DCDC1: variants seen among roughly 807,000 people sequenced by gnomAD.
The protein encoded by DCDC1 is doublecortin domain-containing protein 1.
DCDC1 carries 200 observed loss-of-function variants against 178.3 expected under a neutral mutation model. The ratio of observed to expected loss-of-function variants is 1.12; its 90% CI spans 1.00 to 1.26. The LOEUF is 1.26. Among genes scored for constraint, DCDC1 ranks in the 50% most tolerant of loss-of-function variants. The pLI, the probability that DCDC1 is intolerant of heterozygous loss-of-function variation, is 0.00. For missense variants in DCDC1, 1,983 were observed against 1,749.2 expected (o/e 1.13, Z -2.38); for synonymous variants, 690 against 604.8 (o/e 1.14, Z -2.07).
chr11:31,325,434 A>G (rs1949594299), intron 3 of DCDC1, among the ~76,000 whole-genome samples: 1 of 152,156 alleles, frequency 6.6e-6, no homozygotes, highest in Non-Finnish European at 1.5e-5. Context: ...GAGTCATAAA[A>G]TAAGAGGATG....
chr11:30,883,394 C>G, intron 36 of DCDC1: 1 of 382,594 alleles, frequency 2.6e-6, no homozygotes, highest in South Asian at 2.1e-5. Flanking sequence ...GATATTAAAC[C>G]TATACATTAT....
chr11:31,165,529 T>C (rs1365745108), intron 9 of DCDC1, among the ~76,000 whole-genome samples: 2 of 152,206 alleles, frequency 1.3e-5, no homozygotes, highest in African/African-American at 2.4e-5. Flanking sequence ...CAGGCTGATC[T>C]TGAACTCCTA....
chr11:30,888,126 GA>G (rs1565030150), intron 36 of DCDC1, among the ~76,000 whole-genome samples: 12 of 127,940 alleles, frequency 9.4e-5, no homozygotes, highest in Non-Finnish European at 1.9e-4. Context: ...AAGAAAGAAA[GA>G]AAGAAAGAAA....
In DCDC1 at chr11:30,881,049, G is replaced by T. The variant is rs934418790; in HGVS notation, c.5233+109C>A. The T allele has an allele frequency of 5.6e-6, 7 of 1,246,800 alleles. No homozygotes were observed. In the South Asian group the frequency reaches 7.8e-5, roughly 14 times the overall value. The allele number at this position is 1,246,800 out of a possible 1,614,324, so 77.2% of individuals were successfully genotyped here. A position where few individuals can be genotyped will look rare whatever the true frequency, so the allele number is the denominator to read the frequency against. ...CATAACATGGAGTAGAAATGCTTGG[G>T]AGGGGATAATTATTAAAAATCATTG... On this transcript the variant is annotated intron_variant, in intron 37 of 38. Transcript: ENST00000684477.
intron 25 of DCDC1, among the ~76,000 whole-genome samples, chr11:30,917,610 G>T (rs1329152165): frequency 2.0e-5 from 3 of 152,126 alleles, no homozygotes; most frequent in Admixed American, 2.0e-4. Context: ...CAGCCTTCTG[G>T]CTTCTTACTA....
In DCDC1 at chr11:31,231,684, A is replaced by G. The variant is rs1240885744; in HGVS notation, c.1221+9766T>C. Among the ~76,000 whole-genome samples, 3 of 149,946 alleles carry G rather than the reference A, an allele frequency of 2.0e-5. No homozygotes were observed. The Admixed American group carries it at 2.0e-4, about 10-fold the overall frequency. On this transcript the variant is annotated intron_variant, in intron 9 of 38. Coordinates refer to ENST00000684477, the MANE Select transcript of DCDC1 (RefSeq NM_001387274.1). Reference sequence around the variant, plus strand: ...ATAAGCCCTTCTCCTCCATAAACACAGATGACTTCTTGGAGGGAACACAAA... The same window carrying G: ...ATAAGCCCTTCTCCTCCATAAACACGGATGACTTCTTGGAGGGAACACAAA...
At chr11:31,217,222 G>A (rs1973698843) in intron 9 of DCDC1, among the ~76,000 whole-genome samples, 1 of 152,134 alleles carries the variant, frequency 6.6e-6, no homozygotes, top group Admixed American at 6.5e-5. Flanking sequence ...GAAGAAGCAG[G>A]TGCAATGTCT....
chr11:31,288,466 A>G (rs1199483801), intron 7 of DCDC1, among the ~76,000 whole-genome samples: 1 of 151,890 alleles, frequency 6.6e-6, no homozygotes, highest in Non-Finnish European at 1.5e-5. Context: ...AAGTAAATAA[A>G]TGGATTTCCT....
intron 2 of DCDC1, 122 bp from the exon 3 acceptor site, chr11:31,328,408 T>G: frequency 7.4e-6 from 7 of 950,202 alleles, no homozygotes; most frequent in Non-Finnish European, 1.0e-5. Flanking sequence ...ATAGCAATGA[T>G]TAAATGTGAA....
intron 11 of DCDC1, among the ~76,000 whole-genome samples, chr11:31,120,850 C>T (rs943944086): frequency 6.6e-5 from 10 of 152,132 alleles, no homozygotes; most frequent in African/African-American, 2.4e-4. Flanking sequence ...TGCTAATACC[C>T]TTTCCCAGCA....
At chr11:31,014,086 A>C (rs899849504) in intron 20 of DCDC1, among the ~76,000 whole-genome samples, 3 of 152,208 alleles carry the variant, frequency 2.0e-5, no homozygotes, top group African/African-American at 7.2e-5. Flanking sequence ...ATTTGGAGAC[A>C]GGGTCTTTAA....
intron 20 of DCDC1, among the ~76,000 whole-genome samples, chr11:30,984,110 T>G (rs1001114687): frequency 8.5e-5 from 13 of 152,098 alleles, no homozygotes; most frequent in Non-Finnish European, 1.9e-4. Flanking sequence ...ATCATACAGG[T>G]GAAGAGGTAA....
intron 20 of DCDC1, among the ~76,000 whole-genome samples, chr11:31,001,301 A>G (rs575011936): frequency 1.3e-5 from 2 of 152,312 alleles, no homozygotes; most frequent in Admixed American, 1.3e-4. Flanking sequence ...GATTTTCCAA[A>G]GTTATTTTGC....
At chr11:31,221,134 C>T (rs1056510435) in intron 9 of DCDC1, among the ~76,000 whole-genome samples, 5 of 152,242 alleles carry the variant, frequency 3.3e-5, no homozygotes, top group South Asian at 4.1e-4. Context: ...TTCTTGCATG[C>T]GAAACACACT....
At chr11:31,257,446 CTTCTT>C (rs1944483814) in intron 8 of DCDC1, among the ~76,000 whole-genome samples, 1 of 152,110 alleles carries the variant, frequency 6.6e-6, no homozygotes, top group African/African-American at 2.4e-5. Flanking sequence ...AACACTCTAT[CTTCTT>C]CAGTTAAGAT....
chr11:31,004,130 A>T (rs988660809), intron 20 of DCDC1, among the ~76,000 whole-genome samples: 1 of 152,168 alleles, frequency 6.6e-6, no homozygotes, highest in African/African-American at 2.4e-5. Flanking sequence ...TTTTTTCCCA[A>T]ATTATTTCTG....
At chr11:30,880,770 A>G (rs1043791390) in intron 37 of DCDC1, among the ~76,000 whole-genome samples, 2 of 152,216 alleles carry the variant, frequency 1.3e-5, no homozygotes, top group Non-Finnish European at 2.9e-5. Flanking sequence ...TTATTACTAA[A>G]GAAAAGAAAC....
rs141602493 is a variant in DCDC1, at chr11:30,916,643, C to A, written c.3452+227G>T. 2.0e-5 allele frequency among the ~76,000 whole-genome samples: 3 copies of A among 152,164 alleles called. No individual in the cohort carries two copies. In the East Asian group the frequency reaches 5.8e-4, roughly 29 times the overall value. On this transcript the variant is annotated intron_variant, in intron 26 of 38. Transcript: ENST00000684477. ...AAGCATACTGTTTAATAGAAAAAAA[C>A]ACACAAATGAGTAAGATATTATACA... is the stretch of plus-strand genomic sequence containing the variant.
intron 20 of DCDC1, among the ~76,000 whole-genome samples, chr11:30,981,740 T>C (rs1489400631): frequency 6.6e-6 from 1 of 152,188 alleles, no homozygotes; most frequent in Non-Finnish European, 1.5e-5. Flanking sequence ...CTTCCCTAGC[T>C]AATAAAGATC....
Sources: gnomAD v4.1 joint callset for allele counts (sites outside exome capture counted in the v4.1 genomes callset) on GRCh38, gnomAD v4.1.1 for gene constraint, MANE v1.5 for transcripts, NCBI Gene and HGNC (gene_info 2026-07-23, HGNC 2026-07-21) for gene names.